NCKAP5: variants seen among roughly 807,000 people sequenced by gnomAD.
NCKAP5 encodes nck-associated protein 5.
A neutral mutation model predicts 167.0 loss-of-function variants in NCKAP5; 92 were observed. The ratio of observed to expected loss-of-function variants is 0.55; its 90% CI spans 0.47 to 0.66. The LOEUF (loss-of-function observed/expected upper bound fraction) is 0.66, where lower values mean the gene tolerates loss of function less well. Ranked by LOEUF, NCKAP5 falls within the 30% of genes least tolerant of loss-of-function variation. The probability of loss-of-function intolerance (pLI) is 0.00; values close to 1 mark genes in which losing one functional copy is unlikely to be tolerated. For missense variants in NCKAP5, 2,378 were observed against 2,315.0 expected (o/e 1.03, Z -0.56); for synonymous variants, 891 against 877.4 (o/e 1.02, Z -0.27).
chr2:133,131,200 G>C (rs1381240669), intron 5 of NCKAP5, among the ~76,000 whole-genome samples: 1 of 152,130 alleles, frequency 6.6e-6, no homozygotes, highest in African/African-American at 2.4e-5. Flanking sequence ...CTAGAATCTA[G>C]ATGTGAATCC....
chr2:132,727,377 C>T (rs929175556), intron 18 of NCKAP5, among the ~76,000 whole-genome samples: 1 of 152,176 alleles, frequency 6.6e-6, no homozygotes, highest in African/African-American at 2.4e-5. Context: ...TTTCCCAATC[C>T]TCCCAAAGCC....
At chr2:133,308,005 G>GGGAAAGAAAGAGGGAGGACAAGAA (rs1310144033) in intron 3 of NCKAP5, among the ~76,000 whole-genome samples, 1 of 151,590 alleles carries the variant, frequency 6.6e-6, no homozygotes, top group African/African-American at 2.4e-5. Flanking sequence ...GAGGACAAGA[G>GGGAAAGAAAGAGGGAGGACAAGAA]GGAAAGAAAG....
Position 132,986,421 on chromosome 2 carries a change from G to A in NCKAP5, c.429+7731C>T, listed in dbSNP as rs138992278. ...ACAAAACCAAGCAGAGTACCAGCCC[G>A]CATCACTTGAACTCAGTAGATTTAA... On this transcript the variant is annotated intron_variant, in intron 7 of 19. Coordinates refer to ENST00000409261, the MANE Select transcript of NCKAP5 (RefSeq NM_207363.3). Among the ~76,000 whole-genome samples the A allele has an allele frequency of 3.9e-3, 587 of 152,148 alleles. 13 individuals are homozygous for A. Among genetic ancestry groups the A allele is most frequent in the East Asian group, 3.5e-3 (18 of 5,160 alleles).
At chr2:133,468,838 C>A (rs967411505) in intron 3 of NCKAP5, among the ~76,000 whole-genome samples, 4 of 152,100 alleles carry the variant, frequency 2.6e-5, no homozygotes, top group South Asian at 2.1e-4. Flanking sequence ...GCAACCCCTG[C>A]CTTTTTTTGT....
intron 6 of NCKAP5, among the ~76,000 whole-genome samples, chr2:133,080,985 A>G (rs545719300): frequency 3.5e-4 from 53 of 152,254 alleles, no homozygotes; most frequent in African/African-American, 1.2e-3. Context: ...AATGAAGAGC[A>G]TGGGCAGAAG....
intron 19 of NCKAP5, among the ~76,000 whole-genome samples, chr2:132,707,122 G>T (rs76325629): frequency 1.3e-5 from 2 of 152,340 alleles, no homozygotes; most frequent in Non-Finnish European, 2.9e-5. Context: ...ACTGAAGAGG[G>T]TGGAAAGACA....
intron 4 of NCKAP5, among the ~76,000 whole-genome samples, chr2:133,299,087 A>G (rs1680168064): frequency 6.6e-6 from 1 of 152,236 alleles, no homozygotes; most frequent in South Asian, 2.1e-4. Flanking sequence ...TGTGTCCATT[A>G]GGGTCGAACA....
intron 11 of NCKAP5, among the ~76,000 whole-genome samples, chr2:132,821,190 G>T (rs1293705782): frequency 2.0e-5 from 3 of 152,126 alleles, no homozygotes; most frequent in Non-Finnish European, 4.4e-5. Context: ...CATGAAACAG[G>T]TGAAAAACTG....
chr2:133,088,554 ACATTTTAAAC>A (rs2081070828), intron 6 of NCKAP5, among the ~76,000 whole-genome samples: 2 of 152,130 alleles, frequency 1.3e-5, no homozygotes, highest in East Asian at 3.9e-4. Context: ...TGCTGCCTTC[ACATTTTAAAC>A]TGTGTCATAT....
chr2:133,281,009 C>T (rs1024783788), intron 4 of NCKAP5, among the ~76,000 whole-genome samples: 5 of 152,170 alleles, frequency 3.3e-5, no homozygotes, highest in East Asian at 1.9e-4. Context: ...TTGAGTTATA[C>T]TGACACAACT....
chr2:133,560,902 A>G (rs1303960162), intron 1 of NCKAP5, among the ~76,000 whole-genome samples: 2 of 152,184 alleles, frequency 1.3e-5, no homozygotes, highest in African/African-American at 2.4e-5. Flanking sequence ...GCCATGTTCA[A>G]CAGTCAATAC....
chr2:133,521,289 T>C (rs1684453150), intron 2 of NCKAP5, among the ~76,000 whole-genome samples: 1 of 152,186 alleles, frequency 6.6e-6, no homozygotes, highest in African/African-American at 2.4e-5. Context: ...TCAAGTAACC[T>C]TCCAATTTTA....
intron 8 of NCKAP5, among the ~76,000 whole-genome samples, chr2:132,960,557 C>G (rs1413425855): frequency 6.6e-6 from 1 of 152,098 alleles, no homozygotes; most frequent in African/African-American, 2.4e-5. Context: ...AAAGGGGGCT[C>G]TGTTTCATAA....
chr2:133,132,131 T>C (rs2082623228), intron 5 of NCKAP5, among the ~76,000 whole-genome samples: 1 of 151,666 alleles, frequency 6.6e-6, no homozygotes, highest in Non-Finnish European at 1.5e-5. Context: ...CTACTAAAAA[T>C]AAAAAAATTA....
intron 6 of NCKAP5, among the ~76,000 whole-genome samples, chr2:133,005,729 A>G (rs186472040): frequency 5.3e-5 from 8 of 152,342 alleles, no homozygotes; most frequent in Non-Finnish European, 1.2e-4. Context: ...TGAAGACAAC[A>G]GATGGCTGAA....
intron 19 of NCKAP5, among the ~76,000 whole-genome samples, chr2:132,723,352 C>T (rs563561047): frequency 6.6e-6 from 1 of 151,488 alleles, no homozygotes; most frequent in Non-Finnish European, 1.5e-5. Context: ...TTAGTAGAGA[C>T]GGGGTTTCAC....
chr2:133,236,180 G>A (rs1476991289), intron 4 of NCKAP5, among the ~76,000 whole-genome samples: 1 of 149,884 alleles, frequency 6.7e-6, no homozygotes, highest in Non-Finnish European at 1.5e-5. Context: ...CTATGAGTTC[G>A]ATGCTGATGA....
Position 132,672,963 on chromosome 2 carries a change from A to G in NCKAP5, c.*326T>C. On this transcript the variant is annotated 3_prime_UTR_variant, in exon 20 of 20. Coordinates refer to ENST00000409261, the MANE Select transcript of NCKAP5 (RefSeq NM_207363.3). ...ATCTCTATCAAGCGGTGCACCCCCC[A>G]CCCCCCACCCATCATTTCTTAAGCG... 2.1e-5 allele frequency: 2 copies of G among 94,580 alleles called. No homozygotes were observed. Among genetic ancestry groups the G allele is most frequent in the Non-Finnish European group, 4.0e-5 (2 of 49,830 alleles). 5.9% of individuals were successfully genotyped at this position (94,580 alleles called of 1,614,324 possible).
rs139062527 is a variant in NCKAP5 at position 133,236,821 on chromosome 2, T to C, written c.144-23042A>G. On this transcript the variant is annotated intron_variant, in intron 4 of 19. Transcript: ENST00000409261. ...ATCTCAGTCACAGGTCTATTACCTC[T>C]ATAGGCTTCAATTATGAAGCTGTCC... is the stretch of plus-strand genomic sequence containing the variant. Among the ~76,000 whole-genome samples, 1,473 of 152,292 alleles carry C rather than the reference T, an allele frequency of 9.7e-3. 22 individuals carry two copies. The highest frequency in any genetic ancestry group is 0.034 in the African/African-American group (1,401 of 41,538).
Sources: gnomAD v4.1 joint callset for allele counts (sites outside exome capture counted in the v4.1 genomes callset) on GRCh38, gnomAD v4.1.1 for gene constraint, MANE v1.5 for transcripts, NCBI Gene and HGNC (gene_info 2026-07-23, HGNC 2026-07-21) for gene names.